The following NIPBL variants were observed in gnomAD, a reference collection of about 807,000 sequenced individuals.
NIPBL encodes NIPBL cohesin loading factor.
Under a neutral mutation model 321.8 loss-of-function variants are expected in NIPBL, and 19 were observed. The ratio of observed to expected loss-of-function variants is 0.06; its 90% CI spans 0.04 to 0.09. The LOEUF is 0.09. Ranked by LOEUF, NIPBL falls within the 10% of genes least tolerant of loss-of-function variation. The probability of loss-of-function intolerance (pLI) is 1.00; values close to 1 mark genes in which losing one functional copy is unlikely to be tolerated. For synonymous variants in NIPBL, 1,106 were observed against 1,114.1 expected (o/e 0.99, Z 0.14); for missense variants, 2,210 against 3,327.0 (o/e 0.66, Z 8.26).
intron 1 of NIPBL, among the ~76,000 whole-genome samples, chr5:36,952,018 C>CTG (rs60067315): frequency 0.059 from 5,958 of 101,820 alleles, 241 homozygotes; most frequent in African/African-American, 0.094. Context: ...CTCTGTTAAA[C>CTG]TGTGTGTGTG....
At chr5:37,033,730 A>ATATT (rs775482943) in intron 32 of NIPBL, among the ~76,000 whole-genome samples, 67 of 21,504 alleles carry the variant, frequency 3.1e-3, no homozygotes, top group South Asian at 0.012. Context: ...ATATATATAT[A>ATATT]TTTTTTTTTT....
rs1754203476 is a variant in NIPBL, at chr5:37,057,306, A to G, written c.7384A>G (p.Ser2462Gly). 2 of 1,613,806 alleles carry G rather than the reference A, an allele frequency of 1.2e-6. No homozygotes were observed. The highest frequency in any genetic ancestry group is 1.3e-5 in the African/African-American group (1 of 74,924). The change falls in exon 43 of 47, where the codon AGT becomes GGT. Residue 2462 changes from serine to glycine, a missense_variant. Ser to Gly is a moderately conservative substitution (Grantham distance 56, BLOSUM62 0). Transcript: ENST00000282516. ...HIDITLSVSG[S>G]NLLQSFKESM... ...AGACATTACACTCTCAGTTTCTGGT[A>G]GTAACCTACTGCAGTCATTCAAGGA...
chr5:37,064,169 TAAA>T, intron 46 of NIPBL, 191 bp downstream of exon 46: 2 of 1,419,644 alleles, frequency 1.4e-6, no homozygotes, highest in Non-Finnish European at 1.8e-6. Context: ...TAAAAGACAA[TAAA>T]AAAACAGAAA....
intron 34 of NIPBL, among the ~76,000 whole-genome samples, chr5:37,042,312 A>G (rs761716319): frequency 4.0e-5 from 6 of 151,260 alleles, no homozygotes; most frequent in Non-Finnish European, 5.9e-5. Context: ...GTGCGCACCT[A>G]TAGTCCCAGC....
chr5:37,012,923 T>C (rs7704272), intron 21 of NIPBL, among the ~76,000 whole-genome samples: 3,348 of 150,272 alleles, frequency 0.022, 125 homozygotes, highest in African/African-American at 0.078. Context: ...CCTTTCCCCC[T>C]TTTCTATTCC....
At chr5:37,013,388 G>A (rs1252203753) in intron 21 of NIPBL, among the ~76,000 whole-genome samples, 3 of 151,672 alleles carry the variant, frequency 2.0e-5, no homozygotes, top group Non-Finnish European at 4.4e-5. Context: ...GCTGCTGGGC[G>A]GAGACGCTCC....
intron 1 of NIPBL, among the ~76,000 whole-genome samples, chr5:36,939,177 AT>A (rs897918696): frequency 6.6e-6 from 1 of 152,056 alleles, no homozygotes; most frequent in African/African-American, 2.4e-5. Flanking sequence ...TAATTTTTGT[AT>A]TTTTTGTAGA....
At chr5:37,033,730 ATTTTTTTTTTTT>A (rs58081432) in intron 32 of NIPBL, among the ~76,000 whole-genome samples, 3 of 21,506 alleles carry the variant, frequency 1.4e-4, no homozygotes, top group African/African-American at 6.1e-4. Flanking sequence ...ATATATATAT[ATTTTTTTTTTTT>A]TTTTTTTTAA....
intron 1 of NIPBL, among the ~76,000 whole-genome samples, chr5:36,935,568 C>G (rs550663122): frequency 4.6e-5 from 7 of 152,222 alleles, no homozygotes; most frequent in Admixed American, 1.3e-4. Flanking sequence ...GTATCAATAC[C>G]AGTGCCAACA....
intron 5 of NIPBL, 41 bp downstream of exon 5, chr5:36,961,624 T>C: frequency 8.5e-7 from 1 of 1,169,650 alleles, no homozygotes. Context: ...TTGTCTTGTA[T>C]GGTGAATATG....
In NIPBL at chr5:37,019,413, T is replaced by C; in HGVS notation, c.5010+13T>C. 1 of 1,591,768 alleles carries C rather than the reference T, an allele frequency of 6.3e-7. No homozygotes were observed. Among genetic ancestry groups the C allele is most frequent in the African/African-American group, 1.3e-5 (1 of 74,568 alleles). ...TCCTTCACTAGTGGTAGGATTCTTT[T>C]CCCCTGTTTTGGAGATACTACATGT... is the stretch of plus-strand genomic sequence containing the variant. On this transcript the variant is annotated intron_variant, in intron 25 of 46. Coordinates refer to ENST00000282516, the MANE Select transcript of NIPBL (RefSeq NM_133433.4).
chr5:36,972,292 T>C (rs1017087315), intron 8 of NIPBL, among the ~76,000 whole-genome samples: 1 of 152,170 alleles, frequency 6.6e-6, no homozygotes, highest in African/African-American at 2.4e-5. Context: ...CCATTCTCTT[T>C]AATAAATCCA....
At chr5:37,064,195 A>G in intron 46 of NIPBL, 1 of 1,410,414 alleles carries the variant, frequency 7.1e-7, no homozygotes, top group Non-Finnish European at 9.2e-7. Flanking sequence ...AGATTTATCC[A>G]GCATAAAGGG....
In NIPBL at chr5:37,000,856, G is replaced by A. The variant is rs776450648; in HGVS notation, c.3542G>A (p.Arg1181Lys). Residue 1181 changes from arginine (R) to lysine (K), a missense_variant, in exon 13 of 47, where the codon AGG (arginine) becomes AAG (lysine). Arg to Lys is a conservative substitution (Grantham distance 26). Transcript: ENST00000282516. ...KMKKKEKQKKRKAYEPKLTPE... is the reference protein window; with the variant it reads ...KMKKKEKQKKKKAYEPKLTPE... ...AAGAAAAAAGAAAAACAGAAGAAAA[G>A]GAAAGCATATGAACCAAAACTAACA... 6.2e-7 allele frequency: 1 copy of A among 1,612,248 alleles called. No homozygotes were observed. The highest frequency in any genetic ancestry group is 8.5e-7 in the Non-Finnish European group (1 of 1,178,796).
At chr5:36,879,547 C>A (rs545226117) in intron 1 of NIPBL, among the ~76,000 whole-genome samples, 10 of 152,120 alleles carry the variant, frequency 6.6e-5, no homozygotes, top group Non-Finnish European at 1.2e-4. Flanking sequence ...TCTCTGATAA[C>A]CTAGTTGGAG....
Position 36,959,444 on chromosome 5 carries a change from G to A in NIPBL, c.358+1213G>A, listed in dbSNP as rs1741347966. Among the ~76,000 whole-genome samples the A allele has an allele frequency of 1.3e-5, 2 of 152,298 alleles. 1 individual carries two copies. The highest frequency in any genetic ancestry group is 4.8e-5 in the African/African-American group (2 of 41,558). ...TGACCGACTTGCCTTTTAGCAAGTT[G>A]AAGGTAGGTATGCACGACAGGGCTC... On this transcript the variant is annotated intron_variant, in intron 4 of 46. Transcript: ENST00000282516.
At chr5:37,019,499 G>T (rs944145897) in intron 25 of NIPBL, 99 bp downstream of exon 25, 99 of 815,316 alleles carry the variant, frequency 1.2e-4, no homozygotes, top group Admixed American at 1.1e-4. Context: ...AACTTAAGTT[G>T]TTTGGAATAT....
In NIPBL at chr5:37,064,976, A is replaced by G; in HGVS notation, c.*84A>G. On this transcript the variant is annotated 3_prime_UTR_variant, in exon 47 of 47. Coordinates refer to ENST00000282516, the MANE Select transcript of NIPBL (RefSeq NM_133433.4). ...AATACCAACATTCTGGCAAAAAAAA[A>G]TCAGTTTTATGAAGAGTAAGTGGAA... The G allele has an allele frequency of 1.3e-6, 2 of 1,553,402 alleles. No individual in the cohort carries two copies. Among genetic ancestry groups the G allele is most frequent in the Non-Finnish European group, 1.8e-6 (2 of 1,132,620 alleles).
chr5:37,057,585 T>G (rs1229017499), intron 43 of NIPBL, among the ~76,000 whole-genome samples: 1 of 152,202 alleles, frequency 6.6e-6, no homozygotes, highest in Non-Finnish European at 1.5e-5. Context: ...TTCTCTCACT[T>G]TAAGCACTGA....
Sources: gnomAD v4.1 joint callset for allele counts (sites outside exome capture counted in the v4.1 genomes callset) on GRCh38, gnomAD v4.1.1 for gene constraint, MANE v1.5 for transcripts, NCBI Gene and HGNC (gene_info 2026-07-23, HGNC 2026-07-21) for gene names.